The following EPB41L1 variants were observed in gnomAD, a reference collection of about 807,000 sequenced individuals.
EPB41L1 encodes the protein erythrocyte membrane protein band 4.1 like 1.
A neutral mutation model predicts 97.8 loss-of-function variants in EPB41L1; 29 were observed. That is an observed-to-expected ratio of 0.30 (90% CI 0.22 to 0.40). The LOEUF (loss-of-function observed/expected upper bound fraction) is 0.40, where lower values mean the gene tolerates loss of function less well. Ranked by LOEUF, EPB41L1 falls within the 10% of genes least tolerant of loss-of-function variation. EPB41L1 has a pLI of 1.00. For missense variants in EPB41L1, 812 were observed against 1,162.3 expected, an observed-to-expected ratio of 0.70 and a Z score of 4.38; for synonymous variants, 383 against 459.2, an observed-to-expected ratio of 0.83 and a Z score of 2.12.
intron 21 of EPB41L1, among the ~76,000 whole-genome samples, chr20:36,228,706 A>G (rs1452831724): frequency 6.6e-6 from 1 of 152,184 alleles, no homozygotes; most frequent in Non-Finnish European, 1.5e-5. Flanking sequence ...TGAGTTTTGG[A>G]GCCAAACCTG....
intron 3 of EPB41L1, 73 bp downstream of exon 3, chr20:36,175,788 G>A: frequency 1.3e-6 from 2 of 1,571,334 alleles, no homozygotes; most frequent in Non-Finnish European, 1.7e-6. Flanking sequence ...GCTCCTGTGT[G>A]TACCCAGCTT....
chr20:36,190,715 C>T lies in EPB41L1; in HGVS notation c.1218C>T (p.Ala406=). ...SGRTQAQTRQ[A]SALIDRPAPF... is the part of the protein sequence containing the mutation. Reference sequence around the variant, plus strand: ...GGACCCAGGCACAGACTCGCCAGGCCAGCGCCCTCATTGACCGGCCTGCAC... The same window carrying T: ...GGACCCAGGCACAGACTCGCCAGGCTAGCGCCCTCATTGACCGGCCTGCAC... The change falls in exon 11 of 22, where the codon GCC becomes GCT. Residue 406 remains alanine, a synonymous_variant. Transcript: ENST00000338074. This position sits in a 1 kb window ranked among gnomAD's most constrained non-coding sequence, Gnocchi z 5.8. 6.2e-7 allele frequency: 1 copy of T among 1,614,190 alleles called. No individual in the cohort carries two copies. The highest frequency in any genetic ancestry group is 8.5e-7 in the Non-Finnish European group (1 of 1,180,030).
chr20:36,210,646 C>G (rs535993556), intron 15 of EPB41L1, among the ~76,000 whole-genome samples: 3 of 152,152 alleles, frequency 2.0e-5, no homozygotes, highest in Admixed American at 2.0e-4. Flanking sequence ...GCCTTACAAA[C>G]CTATCATGTT....
Position 36,207,468 on chromosome 20 carries a change from G to A in EPB41L1, c.1669-2020G>A, listed in dbSNP as rs1281442887. The A allele has an allele frequency of 2.3e-6, 3 of 1,289,824 alleles. No individual in the cohort carries two copies. In the South Asian group the frequency reaches 3.7e-5, roughly 16 times the overall value. 79.9% of individuals were successfully genotyped at this position (1,289,824 alleles called of 1,614,324 possible). A position where few individuals can be genotyped will look rare whatever the true frequency, so the allele number is the denominator to read the frequency against. On this transcript the variant is annotated intron_variant, in intron 14 of 21. Coordinates refer to ENST00000338074, the MANE Select transcript of EPB41L1 (RefSeq NM_012156.2). This position sits in a 1 kb window ranked among gnomAD's most constrained non-coding sequence, Gnocchi z 4.9. The stretch of plus-strand genomic sequence containing the variant: ...TGGCCAACAAAATTCGGATATTTGA[G>A]ACCCACGGAGCTGAAACTCGCCGAA...
intron 1 of EPB41L1, among the ~76,000 whole-genome samples, chr20:36,156,901 C>T (rs1376565502): frequency 6.6e-6 from 1 of 152,152 alleles, no homozygotes. Flanking sequence ...TCCCTAAGAG[C>T]CCCTTTCTGG....
At chr20:36,139,945 G>A (rs1387279024) in intron 2 of EPB41L1, among the ~76,000 whole-genome samples, 1 of 152,090 alleles carries the variant, frequency 6.6e-6, no homozygotes, top group Admixed American at 6.6e-5. Context: ...TGGTCAGCTG[G>A]TCTCGAACTC....
intron 1 of EPB41L1, among the ~76,000 whole-genome samples, chr20:36,097,729 A>G (rs2048943573): frequency 6.6e-6 from 1 of 152,242 alleles, no homozygotes; most frequent in Non-Finnish European, 1.5e-5. Flanking sequence ...GGTATTTGAA[A>G]TAGCATGTGC....
intron 1 of EPB41L1, among the ~76,000 whole-genome samples, chr20:36,101,998 C>G (rs968450993): frequency 9.3e-5 from 12 of 129,194 alleles, no homozygotes; most frequent in Non-Finnish European, 1.3e-4. Context: ...GAGTGAGACT[C>G]TGTCTCAAAA....
At chr20:36,229,129 G>C (rs960287802) in intron 21 of EPB41L1, among the ~76,000 whole-genome samples, 3 of 152,048 alleles carry the variant, frequency 2.0e-5, no homozygotes, top group Non-Finnish European at 2.9e-5. Context: ...TTCCACCTCA[G>C]CCTCCCAAGT....
At chr20:36,116,810 C>T (rs1052523121) in intron 2 of EPB41L1, among the ~76,000 whole-genome samples, 2 of 152,148 alleles carry the variant, frequency 1.3e-5, no homozygotes, top group African/African-American at 4.8e-5. Context: ...GGGCTCTGTC[C>T]CTAAAGTGCC....
intron 7 of EPB41L1, among the ~76,000 whole-genome samples, chr20:36,186,530 C>T (rs947851555): frequency 1.3e-5 from 2 of 151,988 alleles, no homozygotes; most frequent in Admixed American, 6.6e-5. Flanking sequence ...CTCTGAGAGT[C>T]GCACACTAAC....
At position 36,190,989 on chromosome 20, in the gene EPB41L1, C is replaced by T. The variant is rs1439916126; in HGVS notation, c.1300+192C>T. ...TGGCTTAGTCCCAACCTAGAGCTCA[C>T]TCCCACTTGAGATGTGATACTACCA... On this transcript the variant is annotated intron_variant, in intron 11 of 21. Coordinates refer to ENST00000338074, the MANE Select transcript of EPB41L1 (RefSeq NM_012156.2). The surrounding 1 kb of genome is among the most constrained non-coding windows in gnomAD (Gnocchi z 5.8). 6.6e-6 allele frequency among the ~76,000 whole-genome samples: 1 copy of T among 152,190 alleles called. No homozygotes were observed. Among genetic ancestry groups the T allele is most frequent in the Non-Finnish European group, 1.5e-5 (1 of 68,038 alleles).
At chr20:36,114,058 G>A (rs192395179) in intron 2 of EPB41L1, among the ~76,000 whole-genome samples, 103 of 152,268 alleles carry the variant, frequency 6.8e-4, no homozygotes, top group Admixed American at 6.1e-3. Flanking sequence ...TTGGCCGTGT[G>A]TCTAGAGCCC....
intron 1 of EPB41L1, among the ~76,000 whole-genome samples, chr20:36,110,165 T>C (rs936660456): frequency 6.6e-6 from 1 of 152,118 alleles, no homozygotes; most frequent in African/African-American, 2.4e-5. Context: ...GGTCTCGAAC[T>C]CCCCACCTCA....
chr20:36,180,207 C>T (rs1248134186), intron 5 of EPB41L1, among the ~76,000 whole-genome samples: 1 of 152,200 alleles, frequency 6.6e-6, no homozygotes, highest in African/African-American at 2.4e-5. Context: ...CTGTAACTTC[C>T]AGCCATTTAT....
chr20:36,128,049 C>T (rs2059041438), intron 2 of EPB41L1, among the ~76,000 whole-genome samples: 1 of 151,802 alleles, frequency 6.6e-6, no homozygotes, highest in Non-Finnish European at 1.5e-5. Context: ...AGGCAGTGTG[C>T]AGAAAGGAGC....
At position 36,206,412 on chromosome 20, in the gene EPB41L1, C is replaced by CG; in HGVS notation, c.1669-3075dup. On this transcript the variant is annotated intron_variant, in intron 14 of 21. Coordinates refer to ENST00000338074, the MANE Select transcript of EPB41L1 (RefSeq NM_012156.2). The surrounding 1 kb of genome is among the most constrained non-coding windows in gnomAD (Gnocchi z 5.5). ...AGTCGTTTCTATTGGATCCAGCCCA[C>CG]GCAGAAGCCAGAGCTGAGTTGAGCA... 7.8e-7 allele frequency: 1 copy of CG among 1,290,000 alleles called. No homozygotes were observed. Among genetic ancestry groups the CG allele is most frequent in the African/African-American group, 1.5e-5 (1 of 65,990 alleles). The allele number at this position is 1,290,000 out of a possible 1,614,324, so 79.9% of individuals were successfully genotyped here.
At chr20:36,200,936 T>G (rs2052986259) in intron 14 of EPB41L1, 2 of 456,818 alleles carry the variant, frequency 4.4e-6, no homozygotes, top group South Asian at 3.1e-5. Context: ...AGCCGCAGGC[T>G]TGGAAGTGTT....
intron 5 of EPB41L1, among the ~76,000 whole-genome samples, chr20:36,179,606 G>C (rs963456760): frequency 3.9e-5 from 6 of 152,234 alleles, no homozygotes; most frequent in Non-Finnish European, 7.3e-5. Context: ...GCCTCAGCAA[G>C]GCAGCCTGAG....
Sources: allele counts gnomAD v4.1 joint callset (sites outside exome capture counted in the v4.1 genomes callset), GRCh38; gene constraint gnomAD v4.1.1; non-coding constraint Gnocchi (gnomAD v3.1); transcripts MANE v1.5; gene names NCBI Gene and HGNC (gene_info 2026-07-23, HGNC 2026-07-21).